Variants in YEATS4 observed in about 807,000 individuals in gnomAD.
YEATS4 encodes the protein YEATS domain-containing protein 4.
YEATS4 carries 17 observed loss-of-function variants against 30.1 expected under a neutral mutation model. The ratio of observed to expected loss-of-function variants is 0.56; its 90% CI spans 0.39 to 0.85. The LOEUF (loss-of-function observed/expected upper bound fraction) is 0.85, where lower values mean the gene tolerates loss of function less well. Among genes scored for constraint, YEATS4 ranks in the 40% least tolerant of loss-of-function variants. The probability of loss-of-function intolerance (pLI) is 0.00; values close to 1 mark genes in which losing one functional copy is unlikely to be tolerated. For missense variants in YEATS4, 142 were observed against 268.3 expected (o/e 0.53, Z 3.29); for synonymous variants, 85 against 87.5 (o/e 0.97, Z 0.16).
At chr12:69,421,772 C>CT in the YEATS4 span, among the ~76,000 whole-genome samples, 1 of 152,116 alleles carries the variant, frequency 6.6e-6, no homozygotes, top group Admixed American at 6.6e-5. Context: ...TGGCTAGCGG[C>CT]TGTACCCACA....
At chr12:69,412,968 A>C in the YEATS4 span, among the ~76,000 whole-genome samples, 1 of 152,178 alleles carries the variant, frequency 6.6e-6, no homozygotes, top group African/African-American at 2.4e-5. Context: ...GTGCAAAGAA[A>C]GACCTAGAAG....
At position 69,363,816 on chromosome 12, in the gene YEATS4, CTGA is replaced by C. The variant is rs555821290; in HGVS notation, c.171+913_171+915del. ...TGGAAACAATTCATTTGTCTATCAA[CTGA>C]TGAATGGATAAATAAAATGTGATAT... On this transcript the variant is annotated intron_variant, in intron 2 of 6. Transcript: ENST00000247843. Among the ~76,000 whole-genome samples the C allele has an allele frequency of 8.2e-4, 125 of 152,192 alleles. 1 individual carries two copies. Among genetic ancestry groups the C allele is most frequent in the African/African-American group, 2.8e-3 (117 of 41,526 alleles).
chr12:69,365,381 A>G (rs1293719927), intron 2 of YEATS4, among the ~76,000 whole-genome samples: 1 of 151,560 alleles, frequency 6.6e-6, no homozygotes, highest in Non-Finnish European at 1.5e-5. Flanking sequence ...AACCTGGGTC[A>G]GGGAAGTTGC....
the YEATS4 span, among the ~76,000 whole-genome samples, chr12:69,426,312 G>C: frequency 1.5e-4 from 23 of 152,278 alleles, no homozygotes; most frequent in Admixed American, 5.9e-4. Context: ...AAGACAAAGA[G>C]TTATAGCTAT....
the YEATS4 span, among the ~76,000 whole-genome samples, chr12:69,398,308 T>TAC: frequency 3.3e-5 from 5 of 151,302 alleles, no homozygotes; most frequent in East Asian, 1.9e-4. Context: ...CCCTAAGGAA[T>TAC]ACACACACAC....
At chr12:69,371,588 A>G (rs113267456) in intron 6 of YEATS4, among the ~76,000 whole-genome samples, 12 of 152,322 alleles carry the variant, frequency 7.9e-5, no homozygotes, top group Admixed American at 7.2e-4. Context: ...GTTACTGTTC[A>G]GTCATTTCTT....
rs201651878 is a variant in YEATS4, at chr12:69,360,039, G to T, written c.51+16G>T. 1 of 1,611,112 alleles carries T rather than the reference G, an allele frequency of 6.2e-7. No homozygotes were observed. Among genetic ancestry groups the T allele is most frequent in the South Asian group, 1.1e-5 (1 of 90,828 alleles). On this transcript the variant is annotated intron_variant, in intron 1 of 6. Coordinates refer to ENST00000247843, the MANE Select transcript of YEATS4 (RefSeq NM_006530.4). ...GAGAGTAAAGGTCAGTGCCCGGACCGCCCCTCTTCCGGGGTGGCTCTCCCG... is the reference window on the plus strand; with the variant it reads ...GAGAGTAAAGGTCAGTGCCCGGACCTCCCCTCTTCCGGGGTGGCTCTCCCG...
chr12:69,380,110 G>A (rs542165840), intron 6 of YEATS4, among the ~76,000 whole-genome samples: 47 of 152,286 alleles, frequency 3.1e-4, no homozygotes, highest in African/African-American at 1.0e-3. Flanking sequence ...TATTTAGCTC[G>A]TTTGGTGAGG....
At chr12:69,408,571 G>A in the YEATS4 span, among the ~76,000 whole-genome samples, 7 of 152,292 alleles carry the variant, frequency 4.6e-5, no homozygotes, top group South Asian at 1.2e-3. Flanking sequence ...GTTTGCCCTG[G>A]CACCAGCAGG....
intron 2 of YEATS4, among the ~76,000 whole-genome samples, chr12:69,363,506 A>T (rs2120900141): frequency 6.6e-6 from 1 of 152,354 alleles, no homozygotes; most frequent in East Asian, 1.9e-4. Context: ...ATCATATCTA[A>T]GTTAACATAG....
the YEATS4 span, among the ~76,000 whole-genome samples, chr12:69,422,500 G>A: frequency 5.9e-5 from 9 of 151,732 alleles, no homozygotes; most frequent in Admixed American, 1.3e-4. Flanking sequence ...CTGTGGTGGC[G>A]CATGCCTATA....
chr12:69,375,718 C>T (rs538735391), intron 6 of YEATS4, among the ~76,000 whole-genome samples: 3 of 152,246 alleles, frequency 2.0e-5, no homozygotes, highest in East Asian at 3.9e-4. Context: ...CCAGCCAACA[C>T]GGCGAAACCC....
chr12:69,417,947 A>G, the YEATS4 span, among the ~76,000 whole-genome samples: 2 of 152,176 alleles, frequency 1.3e-5, no homozygotes, highest in Non-Finnish European at 2.9e-5. Context: ...CTCACACAGA[A>G]AGAGATTTCA....
At chr12:69,391,040 T>TCTTTA (rs1472492393), downstream of YEATS4, among the ~76,000 whole-genome samples, 3 of 152,258 alleles carry the variant, frequency 2.0e-5, no homozygotes, top group Non-Finnish European at 4.4e-5. Flanking sequence ...ACGCCTGTAA[T>TCTTTA]ACCAGCACTT....
intron 6 of YEATS4, among the ~76,000 whole-genome samples, chr12:69,386,107 G>A (rs1207767347): frequency 3.3e-5 from 5 of 152,096 alleles, no homozygotes; most frequent in African/African-American, 1.2e-4. Context: ...TTTTGTATAA[G>A]CATTTAACAC....
chr12:69,396,386 G>A, the YEATS4 span, among the ~76,000 whole-genome samples: 1 of 152,170 alleles, frequency 6.6e-6, no homozygotes, highest in South Asian at 2.1e-4. Context: ...TTTTAATTCA[G>A]CATTTCCTGA....
At chr12:69,407,345 G>A in the YEATS4 span, among the ~76,000 whole-genome samples, 1 of 151,980 alleles carries the variant, frequency 6.6e-6, no homozygotes, top group Non-Finnish European at 1.5e-5. Context: ...AACGTACTTT[G>A]CACAGTCCCT....
chr12:69,360,170 C>A, intron 1 of YEATS4, 147 bp downstream of exon 1: 2 of 897,600 alleles, frequency 2.2e-6, no homozygotes, highest in African/African-American at 1.7e-5. Context: ...CGAGTCAGAG[C>A]CATTGAGCGA....
At chr12:69,361,258 T>C in intron 1 of YEATS4, 1 of 151,914 alleles carries the variant, frequency 6.6e-6, no homozygotes, top group Non-Finnish European at 1.5e-5. Flanking sequence ...TGTGTGTGTG[T>C]GTGTGTGTGT....
Sources: allele counts gnomAD v4.1 joint callset (sites outside exome capture counted in the v4.1 genomes callset), GRCh38; gene constraint gnomAD v4.1.1; transcripts MANE v1.5; gene names NCBI Gene and HGNC (gene_info 2026-07-23, HGNC 2026-07-21).